PTK2: variants seen among roughly 807,000 people sequenced by gnomAD.
PTK2 encodes the protein focal adhesion kinase 1.
Under a neutral mutation model 150.1 loss-of-function variants are expected in PTK2, and 45 were observed. The observed-to-expected ratio is 0.30, with a 90% CI of 0.24 to 0.38. PTK2 has a LOEUF of 0.38. PTK2 is among the 10% of genes least tolerant of loss of function. The pLI is 1.00. For synonymous variants in PTK2, 432 were observed against 449.2 expected (o/e 0.96, Z 0.48); for missense variants, 919 against 1,307.3 (o/e 0.70, Z 4.58).
chr8:140,910,424 A>T (rs2100162653), intron 2 of PTK2, among the ~76,000 whole-genome samples: 1 of 152,140 alleles, frequency 6.6e-6, no homozygotes, highest in Non-Finnish European at 1.5e-5. Context: ...TTTAAACAAA[A>T]GTATGTATGG....
At chr8:140,658,374 C>A (rs2075230559) in exon 32 of PTK2, 1 of 178,486 alleles carries the variant, frequency 5.6e-6, no homozygotes, top group East Asian at 9.4e-5. Flanking sequence ...AGAAACAGAA[C>A]CAAAAGAAAG....
At chr8:140,885,428 C>T (rs1169587576) in intron 3 of PTK2, among the ~76,000 whole-genome samples, 2 of 152,124 alleles carry the variant, frequency 1.3e-5, no homozygotes, top group African/African-American at 4.8e-5. Flanking sequence ...GTACAAAGAT[C>T]CCTGATGTCA....
chr8:140,864,575 G>C lies in PTK2; in HGVS notation c.363-176C>G, dbSNP rs145606026. On this transcript the variant is annotated intron_variant, in intron 4 of 31. Transcript: ENST00000522684. The stretch of plus-strand genomic sequence containing the variant: ...TTTTAAACATTTTAGCACAAAAAAA[G>C]AGCACATATCATAAATGTGCTACAG... 1.5e-4 allele frequency among the ~76,000 whole-genome samples: 23 copies of C among 152,188 alleles called. No homozygotes were observed. The East Asian group carries it at 4.4e-3, about 29-fold the overall frequency.
chr8:140,826,543 T>C (rs1458843332), intron 8 of PTK2, among the ~76,000 whole-genome samples: 1 of 152,196 alleles, frequency 6.6e-6, no homozygotes, highest in Admixed American at 6.5e-5. Flanking sequence ...GATGAATCCA[T>C]AGCTAACAGT....
rs572643760 is a variant in PTK2, at chr8:140,695,559, T to C, written c.2499+5332A>G. 2.4e-4 allele frequency among the ~76,000 whole-genome samples: 37 copies of C among 152,016 alleles called. No individual in the cohort carries two copies. The South Asian group carries it at 7.5e-3, about 31-fold the overall frequency. On this transcript the variant is annotated intron_variant, in intron 26 of 31. Coordinates refer to ENST00000522684, the Ensembl canonical transcript of PTK2. ...CTGAGTAGCTGGGATTACAGGAGAG[T>C]GCCACCACGCCTGGCTAATTTTTGT...
chr8:140,781,653 G>C (rs1297925148), intron 14 of PTK2, among the ~76,000 whole-genome samples: 1 of 152,184 alleles, frequency 6.6e-6, no homozygotes, highest in African/African-American at 2.4e-5. Context: ...AAGTGCCTCA[G>C]GCTACCCCTT....
At chr8:140,962,083 A>G (rs1404868501) in intron 1 of PTK2, among the ~76,000 whole-genome samples, 1 of 151,934 alleles carries the variant, frequency 6.6e-6, no homozygotes, top group Non-Finnish European at 1.5e-5. Context: ...TCTCTACTAA[A>G]AAAAATACAA....
chr8:140,805,543 T>C (rs2100097689), intron 10 of PTK2, among the ~76,000 whole-genome samples: 1 of 142,792 alleles, frequency 7.0e-6, no homozygotes, highest in South Asian at 2.2e-4. Context: ...AGAGCAAAAC[T>C]CTGTCTCAAA....
intron 31 of PTK2, among the ~76,000 whole-genome samples, chr8:140,663,291 A>G (rs752564315): frequency 2.6e-5 from 4 of 152,130 alleles, no homozygotes; most frequent in Admixed American, 6.5e-5. Flanking sequence ...AGGCTGTGAA[A>G]CTCAAAGGAA....
At position 140,789,744 on chromosome 8, in the gene PTK2, GAGAA is replaced by G. The variant is rs542311559; in HGVS notation, c.1125-222_1125-219del. On this transcript the variant is annotated intron_variant, in intron 13 of 31. Transcript: ENST00000522684. ...AACTGAAGGAATGTTGAACTGTTCT[GAGAA>G]AGATACTCTTGACAATAATTTAAAA... 1.3e-3 allele frequency among the ~76,000 whole-genome samples: 192 copies of G among 152,264 alleles called. 1 individual carries two copies. Among genetic ancestry groups the G allele is most frequent in the Middle Eastern group, 6.8e-3 (2 of 294 alleles).
chr8:140,984,918 G>A (rs1395471378), intron 1 of PTK2, among the ~76,000 whole-genome samples: 2 of 152,134 alleles, frequency 1.3e-5, no homozygotes, highest in African/African-American at 4.8e-5. Context: ...CTAGTGCACG[G>A]TTAAATTGGC....
At chr8:140,984,758 C>T (rs1395430560) in intron 1 of PTK2, among the ~76,000 whole-genome samples, 2 of 152,074 alleles carry the variant, frequency 1.3e-5, no homozygotes, top group Non-Finnish European at 2.9e-5. Context: ...TCATCTTTAC[C>T]GCCCCTCTTG....
At chr8:140,705,767 T>C (rs1199051523) in intron 24 of PTK2, among the ~76,000 whole-genome samples, 1 of 152,226 alleles carries the variant, frequency 6.6e-6, no homozygotes, top group African/African-American at 2.4e-5. Flanking sequence ...TCTGTTAATT[T>C]TGAATTTTGT....
chr8:140,764,128 G>A (rs1374862751), intron 15 of PTK2, 106 bp downstream of exon 17: 9 of 897,624 alleles, frequency 1.0e-5, no homozygotes, highest in Non-Finnish European at 5.6e-6. Flanking sequence ...CAGCATCCAA[G>A]GAAGTATTAA....
intron 27 of PTK2, among the ~76,000 whole-genome samples, chr8:140,686,227 G>A (rs72681704): frequency 2.0e-5 from 3 of 152,226 alleles, no homozygotes; most frequent in East Asian, 1.9e-4. Flanking sequence ...AACAGACTCC[G>A]GGGCCCACTT....
intron 7 of PTK2, among the ~76,000 whole-genome samples, chr8:140,843,328 G>A (rs1318610571): frequency 2.6e-5 from 4 of 152,026 alleles, no homozygotes; most frequent in African/African-American, 9.7e-5. Flanking sequence ...TTTCTTTCAA[G>A]TATCTCTCTT....
At chr8:140,928,430 T>C (rs2100170514) in intron 1 of PTK2, among the ~76,000 whole-genome samples, 1 of 152,162 alleles carries the variant, frequency 6.6e-6, no homozygotes, top group African/African-American at 2.4e-5. Context: ...AGGACCACCA[T>C]AAAGATTCAA....
At chr8:140,920,056 A>T (rs988170958) in intron 2 of PTK2, among the ~76,000 whole-genome samples, 2 of 152,260 alleles carry the variant, frequency 1.3e-5, no homozygotes, top group South Asian at 4.1e-4. Flanking sequence ...CCTTTTAAAA[A>T]TCTTTCCTAA....
At chr8:140,758,340 C>A (rs897299376) in intron 16 of PTK2, among the ~76,000 whole-genome samples, 4 of 152,208 alleles carry the variant, frequency 2.6e-5, no homozygotes, top group Non-Finnish European at 5.9e-5. Context: ...CTTCCTGCCT[C>A]AGTCTCCAAA....
Sources: allele counts gnomAD v4.1 joint callset (sites outside exome capture counted in the v4.1 genomes callset), GRCh38; gene constraint gnomAD v4.1.1; transcripts MANE v1.5; gene names NCBI Gene and HGNC (gene_info 2026-07-23, HGNC 2026-07-21).